XPO7: variants seen among roughly 807,000 people sequenced by gnomAD.
XPO7 encodes the protein exportin 7, also known as exportin-7.
In XPO7, 21 loss-of-function variants were observed where a neutral mutation model predicts 144.3. The ratio of observed to expected loss-of-function variants is 0.15; its 90% CI spans 0.10 to 0.21. XPO7 has a LOEUF of 0.21. Ranked by LOEUF, XPO7 falls within the 10% of genes least tolerant of loss-of-function variation. XPO7 has a pLI of 1.00. For missense variants in XPO7, 808 were observed against 1,325.8 expected (o/e 0.61, Z 6.06); for synonymous variants, 580 against 499.6 (o/e 1.16, Z -2.15).
intron 16 of XPO7, among the ~76,000 whole-genome samples, 152 bp from the exon 17 acceptor site, chr8:21,990,192 A>G (rs1394148501): frequency 2.0e-5 from 3 of 152,052 alleles, no homozygotes; most frequent in African/African-American, 7.2e-5. Flanking sequence ...TTAGAAGAGA[A>G]TGCATTTTTT....
rs779083674 is a variant in XPO7 at position 21,987,291 on chromosome 8, A to C, written c.1713+15A>C. ...AATCCTCTAAGGTAACAGCCTCTCAATTGGCTCCCCTTAGTTCTCACTTCT... is the reference window on the plus strand; with the variant it reads ...AATCCTCTAAGGTAACAGCCTCTCACTTGGCTCCCCTTAGTTCTCACTTCT... On this transcript the variant is annotated intron_variant, in intron 14 of 27. Transcript: ENST00000252512. 5 of 1,613,946 alleles carry C rather than the reference A, an allele frequency of 3.1e-6. No homozygotes were observed. Among genetic ancestry groups the C allele is most frequent in the Non-Finnish European group, 4.2e-6 (5 of 1,179,824 alleles).
chr8:21,980,008 G>C (rs1585463496), intron 8 of XPO7, 76 bp from the exon 9 acceptor site: 1 of 1,414,048 alleles, frequency 7.1e-7, no homozygotes, highest in East Asian at 2.7e-5. Context: ...GGATATTGTA[G>C]GAGGTGGAAC....
At chr8:21,995,629 C>T in intron 21 of XPO7, 30 bp downstream of exon 21, 3 of 1,496,142 alleles carry the variant, frequency 2.0e-6, no homozygotes, top group East Asian at 4.7e-5. Flanking sequence ...TGCAAGGGCA[C>T]ATCTGCCCTG....
intron 19 of XPO7, among the ~76,000 whole-genome samples, chr8:21,993,937 C>CTCTG (rs1177389553): frequency 6.6e-6 from 1 of 151,384 alleles, no homozygotes; most frequent in African/African-American, 2.4e-5. Context: ...CTCTCTCTCT[C>CTCTG]TCTGTCTCTC....
At chr8:21,958,081 A>T (rs778162137) in intron 1 of XPO7, among the ~76,000 whole-genome samples, 2 of 152,336 alleles carry the variant, frequency 1.3e-5, no homozygotes, top group East Asian at 3.8e-4. Flanking sequence ...AGACATTAAT[A>T]TGGAAATTAC....
intron 8 of XPO7, among the ~76,000 whole-genome samples, chr8:21,979,023 G>T (rs1487675849): frequency 6.6e-6 from 1 of 152,184 alleles, no homozygotes; most frequent in Non-Finnish European, 1.5e-5. Flanking sequence ...ATCTAACACA[G>T]TGGGAACAGA....
intron 1 of XPO7, among the ~76,000 whole-genome samples, chr8:21,963,433 C>T (rs1048698786): frequency 6.6e-6 from 1 of 152,162 alleles, no homozygotes. Context: ...CGGTGGCTCA[C>T]GCCTGTAATC....
At chr8:21,926,199 A>T (rs1810453614) in intron 1 of XPO7, among the ~76,000 whole-genome samples, 1 of 152,240 alleles carries the variant, frequency 6.6e-6, no homozygotes, top group Non-Finnish European at 1.5e-5. Context: ...GTTCCTCTGA[A>T]AACAAGCAGA....
At chr8:21,929,602 T>A (rs1810577819) in intron 1 of XPO7, among the ~76,000 whole-genome samples, 1 of 152,256 alleles carries the variant, frequency 6.6e-6, no homozygotes, top group Non-Finnish European at 1.5e-5. Context: ...CACTTTTTCC[T>A]GGTGCTAAGT....
intron 1 of XPO7, among the ~76,000 whole-genome samples, chr8:21,944,193 G>A (rs868225628): frequency 6.6e-6 from 1 of 152,178 alleles, no homozygotes; most frequent in East Asian, 1.9e-4. Context: ...AGCTTTTCCT[G>A]TATCAGTAAC....
At chr8:21,983,332 C>A (rs1812467114) in intron 11 of XPO7, among the ~76,000 whole-genome samples, 1 of 152,146 alleles carries the variant, frequency 6.6e-6, no homozygotes, top group Non-Finnish European at 1.5e-5. Flanking sequence ...AATCCCGTAG[C>A]TAAAGAAATG....
intron 1 of XPO7, among the ~76,000 whole-genome samples, chr8:21,948,682 C>T (rs1046760243): frequency 1.3e-5 from 2 of 152,100 alleles, no homozygotes; most frequent in African/African-American, 4.8e-5. Context: ...AGGAATTGAG[C>T]TTTTCTAGTT....
intron 27 of XPO7, 108 bp downstream of exon 27, chr8:22,004,138 T>C: frequency 7.0e-7 from 1 of 1,438,578 alleles, no homozygotes; most frequent in Non-Finnish European, 9.5e-7. Context: ...GGAGGCCATC[T>C]AAAGCAATGC....
chr8:21,969,624 G>A (rs1811988415), intron 3 of XPO7, 48 bp downstream of exon 3: 1 of 1,510,072 alleles, frequency 6.6e-7, no homozygotes, highest in African/African-American at 1.4e-5. Context: ...AGTTTGTTTA[G>A]TGATGTGCTA....
intron 25 of XPO7, chr8:22,002,859 C>CAA (rs1813199488): frequency 5.6e-6 from 1 of 177,578 alleles, no homozygotes; most frequent in South Asian, 1.3e-4. Context: ...ATTACATTCA[C>CAA]AAGATGTCAT....
At chr8:22,001,607 T>C (rs1470240164) in intron 24 of XPO7, among the ~76,000 whole-genome samples, 1 of 152,236 alleles carries the variant, frequency 6.6e-6, no homozygotes, top group East Asian at 1.9e-4. Context: ...TACATCCCAC[T>C]GGTAACTCAG....
intron 1 of XPO7, among the ~76,000 whole-genome samples, chr8:21,958,502 C>T (rs977407880): frequency 2.0e-5 from 3 of 152,042 alleles, no homozygotes; most frequent in South Asian, 2.1e-4. Flanking sequence ...AGTTACATCA[C>T]AGCCGTCTTG....
chr8:21,985,515 G>A, intron 12 of XPO7, 71 bp from the exon 13 acceptor site: 14 of 1,367,102 alleles, frequency 1.0e-5, no homozygotes, highest in Non-Finnish European at 1.4e-5. Context: ...TAAGATTAAG[G>A]AAGTTCAGAG....
At chr8:22,002,365 C>T in intron 25 of XPO7, 93 bp downstream of exon 25, 2 of 1,429,042 alleles carry the variant, frequency 1.4e-6, no homozygotes, top group Non-Finnish European at 1.9e-6. Context: ...ATTAACATGA[C>T]ATCTCATCAG....
Sources: gnomAD v4.1 joint callset for allele counts (sites outside exome capture counted in the v4.1 genomes callset) on GRCh38, gnomAD v4.1.1 for gene constraint, MANE v1.5 for transcripts, NCBI Gene and HGNC (gene_info 2026-07-23, HGNC 2026-07-21) for gene names.